The following TVP23B variants were observed in gnomAD, a reference collection of about 807,000 sequenced individuals.
TVP23B encodes Golgi apparatus membrane protein TVP23 homolog B.
A neutral mutation model predicts 30.6 loss-of-function variants in TVP23B; 10 were observed. That is an observed-to-expected ratio of 0.33 (90% CI 0.20 to 0.55). The LOEUF (loss-of-function observed/expected upper bound fraction) is 0.55. TVP23B is among the 20% of genes least tolerant of loss of function. TVP23B has a pLI of 0.91. For missense variants in TVP23B, 153 were observed against 243.2 expected (o/e 0.63, Z 2.47); for synonymous variants, 67 against 83.1 (o/e 0.81, Z 1.06).
intron 4 of TVP23B, among the ~76,000 whole-genome samples, chr17:18,798,518 T>C (rs745406473): frequency 9.2e-5 from 14 of 152,084 alleles, no homozygotes; most frequent in Non-Finnish European, 1.9e-4. Flanking sequence ...TCCTTATGAA[T>C]AAATAGTACA....
At chr17:18,801,257 G>GT (rs756003181) in intron 5 of TVP23B, among the ~76,000 whole-genome samples, 102 of 145,164 alleles carry the variant, frequency 7.0e-4, no homozygotes, top group Non-Finnish European at 1.0e-3. Flanking sequence ...TTTTGGTGGG[G>GT]TTTTTTTCTT....
intron 1 of TVP23B, 104 bp from the exon 2 acceptor site, chr17:18,789,249 C>T: frequency 6.7e-7 from 1 of 1,487,358 alleles, no homozygotes; most frequent in Non-Finnish European, 9.2e-7. Context: ...GCTGTAACCA[C>T]ATTATTTTAT....
intron 5 of TVP23B, among the ~76,000 whole-genome samples, chr17:18,803,263 A>G (rs1196578719): frequency 6.6e-6 from 1 of 152,126 alleles, no homozygotes; most frequent in African/African-American, 2.4e-5. Context: ...GTAAGTTTTT[A>G]TTGAAAAACA....
intron 5 of TVP23B, among the ~76,000 whole-genome samples, chr17:18,800,853 C>T (rs1295534662): frequency 6.6e-6 from 1 of 152,174 alleles, no homozygotes; most frequent in Non-Finnish European, 1.5e-5. Context: ...TTGTTCTCAT[C>T]TACTATTTTC....
intron 1 of TVP23B, among the ~76,000 whole-genome samples, chr17:18,783,167 G>A (rs1263132786): frequency 6.6e-6 from 1 of 151,160 alleles, no homozygotes; most frequent in South Asian, 2.1e-4. Flanking sequence ...GTACAATGGT[G>A]TGATCTCGGC....
chr17:18,805,366 A>G (rs2036233228), intron 6 of TVP23B, among the ~76,000 whole-genome samples, 175 bp from the exon 7 acceptor site: 1 of 152,086 alleles, frequency 6.6e-6, no homozygotes, highest in African/African-American at 2.4e-5. Context: ...TTACAGGTGT[A>G]AGCCACGGCG....
intron 4 of TVP23B, 145 bp downstream of exon 4, chr17:18,797,813 G>T: frequency 2.0e-6 from 2 of 999,920 alleles, no homozygotes; most frequent in South Asian, 3.5e-5. Flanking sequence ...TGGCCTTCTA[G>T]AATTTAATGC....
chr17:18,785,419 AC>A (rs1357876377), intron 1 of TVP23B, among the ~76,000 whole-genome samples: 1 of 142,386 alleles, frequency 7.0e-6, no homozygotes, highest in African/African-American at 2.6e-5. Context: ...TGTACCACTT[AC>A]AGCAGTACCT....
rs3865258 is a variant in TVP23B, at chr17:18,806,179, T to C, written c.*612T>C. ...ATTTTTGTTTGTAAGAAGTCATCTA[T>C]TTAAGGCCCAGTTAATATAAGTGGA... On this transcript the variant is annotated 3_prime_UTR_variant, in exon 7 of 7. Coordinates refer to ENST00000307767, the MANE Select transcript of TVP23B (RefSeq NM_016078.6). 535,930 of 802,870 alleles carry C rather than the reference T, an allele frequency of 0.67. 179,858 individuals carry two copies. The highest frequency in any genetic ancestry group is 0.8 in the East Asian group (6,328 of 7,880). The allele number at this position is 802,870 out of a possible 1,614,324, so 49.7% of individuals were successfully genotyped here.
At chr17:18,783,570 G>A (rs1006926449) in intron 1 of TVP23B, among the ~76,000 whole-genome samples, 1 of 152,080 alleles carries the variant, frequency 6.6e-6, no homozygotes, top group African/African-American at 2.4e-5. Flanking sequence ...AGCTGGTAAC[G>A]TTGCTTCTTG....
At chr17:18,787,895 G>A (rs1319843830) in intron 1 of TVP23B, among the ~76,000 whole-genome samples, 1 of 152,050 alleles carries the variant, frequency 6.6e-6, no homozygotes, top group African/African-American at 2.4e-5. Context: ...CATATTGGGA[G>A]GATTGCTCTG....
At chr17:18,789,243 T>C (rs1378901076) in intron 1 of TVP23B, 110 bp from the exon 2 acceptor site, 1 of 1,469,966 alleles carries the variant, frequency 6.8e-7, no homozygotes, top group African/African-American at 1.4e-5. Context: ...CCTGATGCTG[T>C]AACCACATTA....
At chr17:18,797,778 C>T (rs1010821262) in intron 4 of TVP23B, 110 bp downstream of exon 4, 1 of 965,602 alleles carries the variant, frequency 1.0e-6, no homozygotes, top group African/African-American at 1.7e-5. Flanking sequence ...TACCAAATCA[C>T]TTGGCATGTC....
intron 4 of TVP23B, among the ~76,000 whole-genome samples, chr17:18,798,404 C>T (rs1038962886): frequency 2.1e-5 from 3 of 146,340 alleles, no homozygotes; most frequent in East Asian, 2.5e-4. Flanking sequence ...CCCTTGATTC[C>T]GTTTTTTTTT....
chr17:18,800,851 A>T (rs2036153197), intron 5 of TVP23B, among the ~76,000 whole-genome samples: 1 of 152,192 alleles, frequency 6.6e-6, no homozygotes, highest in Non-Finnish European at 1.5e-5. Flanking sequence ...ATTTGTTCTC[A>T]TCTACTATTT....
intron 6 of TVP23B, among the ~76,000 whole-genome samples, 166 bp from the exon 7 acceptor site, chr17:18,805,375 C>T (rs891335455): frequency 1.3e-5 from 2 of 152,026 alleles, no homozygotes; most frequent in African/African-American, 2.4e-5. Flanking sequence ...TAAGCCACGG[C>T]GCCCAGCCTA....
intron 5 of TVP23B, 121 bp downstream of exon 5, chr17:18,799,064 A>C: frequency 3.2e-6 from 4 of 1,237,328 alleles, no homozygotes; most frequent in East Asian, 2.5e-5. Flanking sequence ...CAGCTTCATC[A>C]TGTAATTCCC....
Position 18,781,187 on chromosome 17 carries a change from C to G in TVP23B, c.-107C>G, listed in dbSNP as rs2035798154. 4 of 1,514,364 alleles carry G rather than the reference C, an allele frequency of 2.6e-6. No homozygotes were observed. Among genetic ancestry groups the G allele is most frequent in the African/African-American group, 2.8e-5 (2 of 72,138 alleles). 93.8% of individuals were successfully genotyped at this position (1,514,364 alleles called of 1,614,324 possible). A position where few individuals can be genotyped will look rare whatever the true frequency, so the allele number is the denominator to read the frequency against. ...AAGTGAGGCCGGACTGAGGCTCTTACAGTGGTCCCTGCTGGCCCTTGGTGA... is the reference window on the plus strand; with the variant it reads ...AAGTGAGGCCGGACTGAGGCTCTTAGAGTGGTCCCTGCTGGCCCTTGGTGA... On this transcript the variant is annotated 5_prime_UTR_variant, in exon 1 of 7. Transcript: ENST00000307767.
At chr17:18,802,119 G>A (rs868257753) in intron 5 of TVP23B, among the ~76,000 whole-genome samples, 95 of 152,292 alleles carry the variant, frequency 6.2e-4, no homozygotes, top group African/African-American at 2.2e-3. Flanking sequence ...TTACTCGGGA[G>A]GCTGAGGCAG....
Sources: gnomAD v4.1 joint callset for allele counts (sites outside exome capture counted in the v4.1 genomes callset) on GRCh38, gnomAD v4.1.1 for gene constraint, MANE v1.5 for transcripts, NCBI Gene and HGNC (gene_info 2026-07-23, HGNC 2026-07-21) for gene names.